Variants in SLC24A4 observed in about 807,000 individuals in gnomAD.
The protein encoded by SLC24A4 is sodium/potassium/calcium exchanger 4.
SLC24A4 carries 53 observed loss-of-function variants against 79.0 expected under a neutral mutation model. The ratio of observed to expected loss-of-function variants is 0.67; its 90% CI spans 0.54 to 0.84. The LOEUF is 0.84. SLC24A4 is among the 40% of genes least tolerant of loss of function. The probability of loss-of-function intolerance (pLI) is 0.00; values close to 1 mark genes in which losing one functional copy is unlikely to be tolerated. For missense variants in SLC24A4, 731 were observed against 822.0 expected (o/e 0.89, Z 1.35); for synonymous variants, 323 against 323.8 (o/e 1.00, Z 0.03).
At chr14:92,388,382 A>G (rs982027976) in intron 2 of SLC24A4, among the ~76,000 whole-genome samples, 1 of 152,086 alleles carries the variant, frequency 6.6e-6, no homozygotes, top group African/African-American at 2.4e-5. Flanking sequence ...CCTGGGAGTG[A>G]GGTCTGTGGT....
At chr14:92,341,154 GC>G (rs1291380252) in intron 2 of SLC24A4, among the ~76,000 whole-genome samples, 3 of 152,188 alleles carry the variant, frequency 2.0e-5, no homozygotes, top group African/African-American at 7.2e-5. Flanking sequence ...TGGCCTGGTG[GC>G]CTTTGTGTCT....
Position 92,453,966 on chromosome 14 carries a change from C to T in SLC24A4, c.947C>T (p.Pro316Leu). The T allele has an allele frequency of 1.2e-6, 2 of 1,613,774 alleles. No homozygotes were observed. The highest frequency in any genetic ancestry group is 2.2e-5 in the East Asian group (1 of 44,860). Reference protein sequence around the residue: ...VMVDEIMSSSPPKFTFPEAGL... With the variant: ...VMVDEIMSSSLPKFTFPEAGL... ...GTGGACGAGATTATGAGCTCCAGCC[C>T]TCCCAAGTTCACCTTCCCTGAAGCA... The change falls in exon 11 of 17, where the codon CCT becomes CTT. Residue 316 changes from proline to leucine, a missense_variant. Coordinates refer to ENST00000532405, the MANE Select transcript of SLC24A4 (RefSeq NM_153646.4).
At chr14:92,421,099 G>A (rs951050918) in intron 2 of SLC24A4, among the ~76,000 whole-genome samples, 3 of 152,174 alleles carry the variant, frequency 2.0e-5, no homozygotes, top group Non-Finnish European at 2.9e-5. Flanking sequence ...TGGCTGATGT[G>A]TGCTGTGTTC....
At chr14:92,358,371 G>A (rs903603593) in intron 2 of SLC24A4, among the ~76,000 whole-genome samples, 2 of 152,272 alleles carry the variant, frequency 1.3e-5, no homozygotes, top group Middle Eastern at 3.4e-3. Flanking sequence ...CTGTTAGAGA[G>A]CACAAGTGGA....
chr14:92,380,003 C>T (rs1888743095), intron 2 of SLC24A4, among the ~76,000 whole-genome samples: 1 of 152,192 alleles, frequency 6.6e-6, no homozygotes, highest in Non-Finnish European at 1.5e-5. Context: ...GGTAGTGTCC[C>T]CCTCCCTCCC....
intron 11 of SLC24A4, among the ~76,000 whole-genome samples, chr14:92,455,615 G>A (rs1893409737): frequency 6.6e-6 from 1 of 152,178 alleles, no homozygotes; most frequent in African/African-American, 2.4e-5. Context: ...CTGGAGTAGG[G>A]GTATGTAGAC....
intron 12 of SLC24A4, among the ~76,000 whole-genome samples, chr14:92,474,843 G>GTATATATA (rs1555374575): frequency 4.2e-5 from 1 of 23,884 alleles, no homozygotes; most frequent in South Asian, 1.4e-3. Flanking sequence ...GTGTGTGTGT[G>GTATATATA]TATATATATA....
intron 2 of SLC24A4, among the ~76,000 whole-genome samples, chr14:92,369,775 G>A (rs897218527): frequency 1.3e-5 from 2 of 152,090 alleles, no homozygotes; most frequent in African/African-American, 4.8e-5. Context: ...GCTCCTACCT[G>A]CTAGATGCCA....
At chr14:92,364,855 G>T (rs1887734903) in intron 2 of SLC24A4, among the ~76,000 whole-genome samples, 1 of 152,152 alleles carries the variant, frequency 6.6e-6, no homozygotes. Flanking sequence ...CACAGACTGG[G>T]TGCCTCATTA....
In SLC24A4 at chr14:92,343,516, T is replaced by C. The variant is rs559572802; in HGVS notation, c.241+17538T>C. On this transcript the variant is annotated intron_variant, in intron 2 of 16. Coordinates refer to ENST00000532405, the MANE Select transcript of SLC24A4 (RefSeq NM_153646.4). ...CCAGACCGATTGGGTTCTCCATTTGTTCCTCTTCTGCTGCCTCTGGGGTTG... is the reference window on the plus strand; with the variant it reads ...CCAGACCGATTGGGTTCTCCATTTGCTCCTCTTCTGCTGCCTCTGGGGTTG... Among the ~76,000 whole-genome samples, 281 of 152,322 alleles carry C rather than the reference T, an allele frequency of 1.8e-3. 2 individuals are homozygous for C. The highest frequency in any genetic ancestry group is 6.4e-3 in the African/African-American group (266 of 41,568).
At chr14:92,489,733 C>T (rs1895573895) in intron 14 of SLC24A4, among the ~76,000 whole-genome samples, 1 of 152,164 alleles carries the variant, frequency 6.6e-6, no homozygotes, top group South Asian at 2.1e-4. Flanking sequence ...CCTAGAAGTC[C>T]TCAAAGGCTC....
At chr14:92,477,655 A>G (rs997342642) in intron 12 of SLC24A4, among the ~76,000 whole-genome samples, 3 of 151,938 alleles carry the variant, frequency 2.0e-5, no homozygotes, top group Admixed American at 6.6e-5. Flanking sequence ...AGGTCTCACT[A>G]TGTTGCCCAG....
Position 92,433,988 on chromosome 14 carries a change from TG to T in SLC24A4, c.318+1del. 1.2e-6 allele frequency: 2 copies of T among 1,613,874 alleles called. No homozygotes were observed. The highest frequency in any genetic ancestry group is 1.7e-6 in the Non-Finnish European group (2 of 1,179,704). The stretch of plus-strand genomic sequence containing the variant: ...GAGCCGTCCTGCTGCACATCCTTGG[TG>T]TAAGTCGTCCTCCCAGAGTGGTCAC... On this transcript the variant is annotated splice_donor_variant, in intron 3 of 16. Transcript: ENST00000532405. LOFTEE classifies it high-confidence loss of function.
intron 2 of SLC24A4, among the ~76,000 whole-genome samples, chr14:92,402,453 A>G (rs1364649388): frequency 6.6e-6 from 1 of 152,156 alleles, no homozygotes; most frequent in Admixed American, 6.5e-5. Context: ...CAGCCAGGTA[A>G]TATAGGCAGC....
chr14:92,458,661 G>A (rs1224004741), intron 12 of SLC24A4, among the ~76,000 whole-genome samples: 1 of 152,218 alleles, frequency 6.6e-6, no homozygotes, highest in Non-Finnish European at 1.5e-5. Context: ...TCACGGTGAT[G>A]AACCAGGACG....
chr14:92,343,632 CTTTCTTTCTCTCTTTCCT>C (rs1566699990), intron 2 of SLC24A4, among the ~76,000 whole-genome samples: 4 of 147,356 alleles, frequency 2.7e-5, no homozygotes, highest in African/African-American at 1.0e-4. Context: ...TTCTTTCTTT[CTTTCTTTCTCTCTTTCCT>C]TCTTTCCTTC....
rs545850041 is a variant in SLC24A4 at position 92,487,498 on chromosome 14, C to A, written c.1537+718C>A. On this transcript the variant is annotated intron_variant, in intron 14 of 16. Transcript: ENST00000532405. The stretch of plus-strand genomic sequence containing the variant: ...GTTGGCTTTGGGAAGAGAGACAGGA[C>A]GTGTTATTCCTCCAAGATAAAGGGT... Among the ~76,000 whole-genome samples, 3 of 152,154 alleles carry A rather than the reference C, an allele frequency of 2.0e-5. No homozygotes were observed. In the South Asian group the frequency reaches 6.2e-4, roughly 32 times the overall value.
chr14:92,329,415 G>T (rs1205559892), intron 2 of SLC24A4, among the ~76,000 whole-genome samples: 1 of 152,224 alleles, frequency 6.6e-6, no homozygotes, highest in Admixed American at 6.5e-5. Context: ...CTCTGCCTGG[G>T]TTGTAACCCC....
At chr14:92,418,311 GT>G (rs372274299) in intron 2 of SLC24A4, among the ~76,000 whole-genome samples, 492 of 152,260 alleles carry the variant, frequency 3.2e-3, no homozygotes, top group African/African-American at 9.8e-3. Context: ...TGAACTCTAC[GT>G]GCTCGTCCTG....
Sources: allele counts gnomAD v4.1 joint callset (sites outside exome capture counted in the v4.1 genomes callset), GRCh38; gene constraint gnomAD v4.1.1; transcripts MANE v1.5; gene names NCBI Gene and HGNC (gene_info 2026-07-23, HGNC 2026-07-21).